The following ANGPT1 variants were observed in gnomAD, a reference collection of about 807,000 sequenced individuals.
The protein encoded by ANGPT1 is angiopoietin 1, also known as angiopoietin-1.
Under a neutral mutation model 62.2 loss-of-function variants are expected in ANGPT1, and 17 were observed. The observed-to-expected ratio is 0.27, with a 90% CI of 0.19 to 0.41. The LOEUF (loss-of-function observed/expected upper bound fraction) is 0.41, where lower values mean the gene tolerates loss of function less well. ANGPT1 is among the 10% of genes least tolerant of loss of function. The probability of loss-of-function intolerance (pLI) is 1.00; values close to 1 mark genes in which losing one functional copy is unlikely to be tolerated. For synonymous variants in ANGPT1, 199 were observed against 198.9 expected (o/e 1.00, Z 0.00); for missense variants, 478 against 594.9 (o/e 0.80, Z 2.04).
In ANGPT1 at chr8:107,251,063, G is replaced by C. The variant is rs1032612042; in HGVS notation, c.*792C>G. On this transcript the variant is annotated 3_prime_UTR_variant, in exon 9 of 9. Transcript: ENST00000517746. The stretch of plus-strand genomic sequence containing the variant: ...AATATATTTATATATCATTCAATCA[G>C]TTTTTAGAGTAAATGAAAACCATAG... 6.6e-6 allele frequency: 1 copy of C among 152,018 alleles called. No homozygotes were observed. Among genetic ancestry groups the C allele is most frequent in the Admixed American group, 6.6e-5 (1 of 15,244 alleles). The allele number at this position is 152,018 out of a possible 1,614,324, so 9.4% of individuals were successfully genotyped here.
intron 1 of ANGPT1, among the ~76,000 whole-genome samples, chr8:107,350,130 A>G (rs2130169977): frequency 6.6e-6 from 1 of 152,282 alleles, no homozygotes. Flanking sequence ...TCATTGAAGA[A>G]AGTGATGCTC....
At chr8:107,395,090 C>T (rs552100223) in intron 1 of ANGPT1, among the ~76,000 whole-genome samples, 1 of 152,184 alleles carries the variant, frequency 6.6e-6, no homozygotes, top group African/African-American at 2.4e-5. Context: ...GAGTGAGCTG[C>T]CTTCTGAAGA....
chr8:107,394,209 G>A (rs1816890698), intron 1 of ANGPT1, among the ~76,000 whole-genome samples: 1 of 152,182 alleles, frequency 6.6e-6, no homozygotes, highest in Non-Finnish European at 1.5e-5. Context: ...AGATTGTTTA[G>A]TTATGGTTGG....
rs534259615 is a variant in ANGPT1 at position 107,437,895 on chromosome 8, G to A, written c.297+59367C>T. ...AATGCAAAGGACTGGTTGTATTGGA[G>A]ACTGAATTATTGTATTTACCTGAAC... On this transcript the variant is annotated intron_variant, in intron 1 of 8. Transcript: ENST00000517746. Among the ~76,000 whole-genome samples, 18 of 152,276 alleles carry A rather than the reference G, an allele frequency of 1.2e-4. No individual in the cohort carries two copies. The East Asian group carries it at 3.3e-3, about 28-fold the overall frequency.
At chr8:107,481,259 G>A (rs192534597) in intron 1 of ANGPT1, among the ~76,000 whole-genome samples, 51 of 152,246 alleles carry the variant, frequency 3.3e-4, no homozygotes, top group African/African-American at 1.2e-3. Flanking sequence ...AAGGGGCCAG[G>A]TGAGGTGGCT....
chr8:107,483,602 A>G (rs956449227), intron 1 of ANGPT1, among the ~76,000 whole-genome samples: 3 of 151,366 alleles, frequency 2.0e-5, no homozygotes, highest in Non-Finnish European at 4.4e-5. Context: ...CATATATGGC[A>G]TAAGGTCTTT....
At chr8:107,478,346 C>T (rs533997413) in intron 1 of ANGPT1, among the ~76,000 whole-genome samples, 1 of 151,452 alleles carries the variant, frequency 6.6e-6, no homozygotes, top group Admixed American at 6.6e-5. Context: ...GTCAGGAGCT[C>T]GAGACCAGCC....
At chr8:107,397,490 AG>A (rs1393609453) in intron 1 of ANGPT1, among the ~76,000 whole-genome samples, 1 of 151,958 alleles carries the variant, frequency 6.6e-6, no homozygotes, top group Non-Finnish European at 1.5e-5. Context: ...ATAAGTCACA[AG>A]TCTGTGATAA....
rs1390572537 is a variant in ANGPT1 at position 107,250,215 on chromosome 8, A to C, written c.*1640T>G. The C allele has an allele frequency of 6.6e-6, 1 of 152,104 alleles. No homozygotes were observed. Among genetic ancestry groups the C allele is most frequent in the Non-Finnish European group, 1.5e-5 (1 of 67,996 alleles). 9.4% of individuals were successfully genotyped at this position (152,104 alleles called of 1,614,324 possible). ...CCAGTAGCTTTATTTCAATTTTCTC[A>C]TCCCATAGTGACTCATGTTTTAATA... On this transcript the variant is annotated 3_prime_UTR_variant, in exon 9 of 9. Coordinates refer to ENST00000517746, the MANE Select transcript of ANGPT1 (RefSeq NM_001146.5).
intron 1 of ANGPT1, among the ~76,000 whole-genome samples, chr8:107,407,589 T>C (rs1817174785): frequency 6.6e-6 from 1 of 152,070 alleles, no homozygotes; most frequent in Admixed American, 6.6e-5. Context: ...TGGTTAACTA[T>C]CAGAGAGGAA....
At chr8:107,322,641 A>T (rs1157048797) in intron 3 of ANGPT1, 1 of 212,170 alleles carries the variant, frequency 4.7e-6, no homozygotes, top group Non-Finnish European at 9.6e-6. Flanking sequence ...CTGCAAAATC[A>T]GAAATAAAGA....
chr8:107,444,121 T>A (rs1208886171), intron 1 of ANGPT1, among the ~76,000 whole-genome samples: 1 of 152,208 alleles, frequency 6.6e-6, no homozygotes, highest in Non-Finnish European at 1.5e-5. Flanking sequence ...GGGTTATATG[T>A]GGATGTATCA....
intron 1 of ANGPT1, among the ~76,000 whole-genome samples, chr8:107,463,306 A>C (rs1812118676): frequency 6.6e-6 from 1 of 152,076 alleles, no homozygotes; most frequent in Non-Finnish European, 1.5e-5. Flanking sequence ...TCCACCCCTA[A>C]CTAACACCTT....
chr8:107,365,923 G>C (rs565189869), intron 1 of ANGPT1, among the ~76,000 whole-genome samples: 1 of 148,782 alleles, frequency 6.7e-6, no homozygotes, highest in South Asian at 2.1e-4. Context: ...AGAAATAAAA[G>C]TTTCATTAAA....
chr8:107,431,589 T>C (rs1811188856), intron 1 of ANGPT1, among the ~76,000 whole-genome samples: 2 of 152,306 alleles, frequency 1.3e-5, no homozygotes, highest in Admixed American at 6.5e-5. Flanking sequence ...CTTTCTTCCT[T>C]AGCAAGATCT....
intron 6 of ANGPT1, among the ~76,000 whole-genome samples, chr8:107,288,780 G>T (rs571323255): frequency 3.3e-5 from 5 of 152,098 alleles, no homozygotes; most frequent in Admixed American, 1.3e-4. Context: ...GGCAAATTTT[G>T]ATTACATGTC....
intron 1 of ANGPT1, among the ~76,000 whole-genome samples, chr8:107,416,003 GA>G (rs938902447): frequency 1.3e-4 from 19 of 150,326 alleles, no homozygotes; most frequent in Middle Eastern, 3.4e-3. Flanking sequence ...AATCTGAAGG[GA>G]AAAAAAAACC....
rs557552744 is a variant in ANGPT1, at chr8:107,373,036, A to T, written c.298-25939T>A. On this transcript the variant is annotated intron_variant, in intron 1 of 8. Coordinates refer to ENST00000517746, the MANE Select transcript of ANGPT1 (RefSeq NM_001146.5). ...ATTGTCATGCTAAAACATTTGAGAC[A>T]TTTATACAAATGGTGACTACATGCA... 6.6e-5 allele frequency among the ~76,000 whole-genome samples: 10 copies of T among 152,278 alleles called. No individual in the cohort carries two copies. The South Asian group carries it at 2.1e-3, about 32-fold the overall frequency.
At chr8:107,431,833 G>A (rs140643541) in intron 1 of ANGPT1, among the ~76,000 whole-genome samples, 1 of 152,106 alleles carries the variant, frequency 6.6e-6, no homozygotes. Context: ...CTTTGCAGAT[G>A]ACCCAGTGGT....
Sources: gnomAD v4.1 joint callset for allele counts (sites outside exome capture counted in the v4.1 genomes callset) on GRCh38, gnomAD v4.1.1 for gene constraint, MANE v1.5 for transcripts, NCBI Gene and HGNC (gene_info 2026-07-23, HGNC 2026-07-21) for gene names.